Variants in NAV3 observed in about 807,000 individuals in gnomAD.
NAV3 encodes neuron navigator 3.
In NAV3, 87 loss-of-function variants were observed where a neutral mutation model predicts 244.7. That is an observed-to-expected ratio of 0.36 (90% CI 0.30 to 0.42). The LOEUF (loss-of-function observed/expected upper bound fraction) is 0.42. Ranked by LOEUF, NAV3 falls within the 20% of genes least tolerant of loss-of-function variation. The pLI is 1.00. For synonymous variants in NAV3, 1,126 were observed against 1,042.2 expected (o/e 1.08, Z -1.55); for missense variants, 2,663 against 2,893.3 (o/e 0.92, Z 1.83).
chr12:77,944,824 G>A (rs1459835330), intron 3 of NAV3, among the ~76,000 whole-genome samples: 9 of 151,618 alleles, frequency 5.9e-5, no homozygotes, highest in Non-Finnish European at 1.2e-4. Flanking sequence ...TCACAGATGT[G>A]GACTGCTAAT....
rs562909031 is a variant in NAV3 at position 78,041,275 on chromosome 12, G to T, written c.2024-8718G>T. 1.4e-3 allele frequency among the ~76,000 whole-genome samples: 214 copies of T among 152,222 alleles called. 2 individuals are homozygous for T. Among genetic ancestry groups the T allele is most frequent in the African/African-American group, 4.8e-3 (200 of 41,534 alleles). On this transcript the variant is annotated intron_variant, in intron 9 of 39. Transcript: ENST00000397909. Reference sequence around the variant, plus strand: ...CTTAGTACGTTATGTTTGAAATAATGATCTTATTATTAAGTATACTTTAAT... The same window carrying T: ...CTTAGTACGTTATGTTTGAAATAATTATCTTATTATTAAGTATACTTTAAT...
intron 1 of NAV3, among the ~76,000 whole-genome samples, chr12:77,858,874 T>C (rs1408926806): frequency 6.6e-6 from 1 of 152,102 alleles, no homozygotes; most frequent in African/African-American, 2.4e-5. Context: ...CAACTGGATA[T>C]GCAGTGCTTA....
At chr12:77,596,075 C>T (rs1870153606) in intron 2 of NAV3, among the ~76,000 whole-genome samples, 1 of 152,112 alleles carries the variant, frequency 6.6e-6, no homozygotes, top group Non-Finnish European at 1.5e-5. Flanking sequence ...TCATTTTAGT[C>T]AGATAACTAG....
intron 12 of NAV3, among the ~76,000 whole-genome samples, chr12:78,074,769 A>G (rs1313369025): frequency 6.6e-6 from 1 of 152,202 alleles, no homozygotes; most frequent in African/African-American, 2.4e-5. Context: ...TCCAATGCCA[A>G]TTGGCATTTG....
intron 12 of NAV3, among the ~76,000 whole-genome samples, chr12:78,113,490 C>T (rs1167789492): frequency 3.3e-5 from 5 of 152,204 alleles, no homozygotes; most frequent in Admixed American, 2.6e-4. Flanking sequence ...CAAATGTAGG[C>T]TCAACACCCC....
intron 34 of NAV3, among the ~76,000 whole-genome samples, chr12:78,191,113 A>G (rs533172249): frequency 5.9e-5 from 9 of 152,248 alleles, no homozygotes; most frequent in African/African-American, 2.2e-4. Context: ...AGAAACCTGA[A>G]ATCTGCAAAT....
chr12:78,124,033 C>T (rs1955798467), intron 16 of NAV3, among the ~76,000 whole-genome samples: 1 of 152,172 alleles, frequency 6.6e-6, no homozygotes, highest in Non-Finnish European at 1.5e-5. Context: ...TAAATATCAA[C>T]TTGATAACCA....
chr12:78,029,167 C>T (rs917413957), intron 9 of NAV3, among the ~76,000 whole-genome samples: 18 of 141,086 alleles, frequency 1.3e-4, no homozygotes, highest in African/African-American at 4.7e-4. Context: ...TGGTGTCTGA[C>T]CCTACCTATT....
At chr12:78,125,418 C>G (rs576042692) in intron 16 of NAV3, among the ~76,000 whole-genome samples, 1 of 152,238 alleles carries the variant, frequency 6.6e-6, no homozygotes, top group South Asian at 2.1e-4. Context: ...TTCTCTTCTG[C>G]AGCTGCTCTA....
At chr12:77,658,246 C>T (rs1162269551) in intron 2 of NAV3, among the ~76,000 whole-genome samples, 1 of 152,020 alleles carries the variant, frequency 6.6e-6, no homozygotes, top group Non-Finnish European at 1.5e-5. Flanking sequence ...AGCTGATAAG[C>T]AACTTCAGCA....
chr12:77,864,799 G>C (rs770161), intron 1 of NAV3, among the ~76,000 whole-genome samples: 40,321 of 151,732 alleles, frequency 0.27, 5,773 homozygotes, highest in Admixed American at 0.34. Context: ...TTCCTTTAAA[G>C]AATGTATGCT....
intron 34 of NAV3, among the ~76,000 whole-genome samples, chr12:78,192,778 AT>A (rs893698964): frequency 6.6e-6 from 1 of 152,120 alleles, no homozygotes; most frequent in Non-Finnish European, 1.5e-5. Context: ...TAACTAAAAA[AT>A]ATTTATTTTT....
At chr12:77,792,357 A>G (rs1871217237) in intron 2 of NAV3, among the ~76,000 whole-genome samples, 1 of 152,114 alleles carries the variant, frequency 6.6e-6, no homozygotes, top group Non-Finnish European at 1.5e-5. Context: ...GCCTTTTTAA[A>G]GGTTCCTTTA....
chr12:77,821,069 G>C (rs985562183), intron 2 of NAV3, among the ~76,000 whole-genome samples: 5 of 139,668 alleles, frequency 3.6e-5, no homozygotes, highest in Non-Finnish European at 7.9e-5. Flanking sequence ...ACACACACAT[G>C]TACACACACA....
In NAV3 at chr12:77,952,079, A is replaced by AC. The variant is rs547755385; in HGVS notation, c.414+10946_414+10947insC. Among the ~76,000 whole-genome samples, 9 of 151,768 alleles carry AC rather than the reference A, an allele frequency of 5.9e-5. No homozygotes were observed. The South Asian group carries it at 1.7e-3, about 28-fold the overall frequency. On this transcript the variant is annotated intron_variant, in intron 3 of 39. Transcript: ENST00000397909. ...TCTTAAAGTATAATTAAAAAAAAAA[A>AC]AAAAACAGGTTGTTTGTTTTCTTGT... is the stretch of plus-strand genomic sequence containing the variant.
At position 78,006,493 on chromosome 12, in the gene NAV3, C is replaced by T. The variant is rs998849085; in HGVS notation, c.955C>T (p.Pro319Ser). 3.1e-6 allele frequency: 5 copies of T among 1,613,922 alleles called. No individual in the cohort carries two copies. The African/African-American group carries it at 6.7e-5, about 22-fold the overall frequency. Residue 319 changes from proline (P) to serine (S), a missense_variant, in exon 8 of 40, where the codon CCT becomes TCT. This residue lies in a region of NAV3 where 1,521 missense variants were observed against 1,497.0 expected (regional missense o/e 1.02). Coordinates refer to ENST00000397909, the MANE Select transcript of NAV3 (RefSeq NM_001024383.2). ...VQPPSTAGQPPASAIPSPSAS... is the reference protein window; with the variant it reads ...VQPPSTAGQPSASAIPSPSAS... ...GCCTCCCAGTACTGCTGGGCAGCCT[C>T]CTGCCTCTGCCATCCCTTCTCCAAG...
intron 2 of NAV3, among the ~76,000 whole-genome samples, chr12:77,739,060 A>G (rs1247485310): frequency 6.7e-6 from 1 of 149,506 alleles, no homozygotes; most frequent in East Asian, 2.0e-4. Context: ...CTGGAACTAG[A>G]CTTCTGTTCA....
At chr12:77,744,187 A>G (rs1025239019) in intron 2 of NAV3, among the ~76,000 whole-genome samples, 1 of 151,998 alleles carries the variant, frequency 6.6e-6, no homozygotes, top group Middle Eastern at 3.2e-3. Flanking sequence ...AGCTACAGTT[A>G]TTAAAACAGT....
At chr12:77,815,186 A>T (rs1438643984) in intron 2 of NAV3, among the ~76,000 whole-genome samples, 1 of 152,182 alleles carries the variant, frequency 6.6e-6, no homozygotes, top group Non-Finnish European at 1.5e-5. Flanking sequence ...AAAAGCAAAT[A>T]ACTTGCAGAT....
Sources: gnomAD v4.1 joint callset for allele counts (sites outside exome capture counted in the v4.1 genomes callset) on GRCh38, gnomAD v4.1.1 for gene constraint, gnomAD v4.1.1 regional missense constraint, MANE v1.5 for transcripts, NCBI Gene and HGNC (gene_info 2026-07-23, HGNC 2026-07-21) for gene names.